Variants in AMBRA1 observed in about 807,000 individuals in gnomAD.
AMBRA1 encodes the protein autophagy and beclin 1 regulator 1, also known as activating molecule in BECN1-regulated autophagy protein 1.
AMBRA1 carries 47 observed loss-of-function variants against 125.4 expected under a neutral mutation model. The observed-to-expected ratio is 0.37, with a 90% CI of 0.30 to 0.48. AMBRA1 has a LOEUF of 0.48. AMBRA1 is among the 20% of genes least tolerant of loss of function. The probability of loss-of-function intolerance (pLI) is 0.99; values close to 1 mark genes in which losing one functional copy is unlikely to be tolerated. For missense variants in AMBRA1, 1,331 were observed against 1,693.4 expected (o/e 0.79, Z 3.76); for synonymous variants, 626 against 655.5 (o/e 0.95, Z 0.69).
intron 7 of AMBRA1, among the ~76,000 whole-genome samples, chr11:46,528,167 T>TTTTA (rs986277604): frequency 1.3e-5 from 2 of 152,210 alleles, no homozygotes; most frequent in Admixed American, 6.5e-5. Flanking sequence ...CAACTTTTTC[T>TTTTA]TTTATTTATT....
intron 17 of AMBRA1, 28 bp from the exon 18 acceptor site, chr11:46,397,971 C>T (rs771898183): frequency 6.4e-6 from 10 of 1,556,108 alleles, no homozygotes; most frequent in South Asian, 1.2e-5. Context: ...GAAGAGAGAG[C>T]GAATTGGCTG....
chr11:46,411,371 C>A (rs925556441), intron 15 of AMBRA1, among the ~76,000 whole-genome samples: 1 of 152,140 alleles, frequency 6.6e-6, no homozygotes, highest in Non-Finnish European at 1.5e-5. Flanking sequence ...CCAGGCAGGG[C>A]CTGGAAGACG....
chr11:46,467,784 GTGC>G (rs1454474647), intron 11 of AMBRA1, among the ~76,000 whole-genome samples: 2 of 152,136 alleles, frequency 1.3e-5, no homozygotes, highest in Non-Finnish European at 2.9e-5. Flanking sequence ...TCCTCCCAAA[GTGC>G]TGGGATTATA....
chr11:46,531,899 C>T (rs1952233473), intron 7 of AMBRA1, among the ~76,000 whole-genome samples: 1 of 151,992 alleles, frequency 6.6e-6, no homozygotes, highest in East Asian at 1.9e-4. Flanking sequence ...CAGCGGATCA[C>T]TTGAGGTTAG....
At position 46,545,172 on chromosome 11, in the gene AMBRA1, G is replaced by C. The variant is rs370342164; in HGVS notation, c.551+432C>G. Among the ~76,000 whole-genome samples the C allele has an allele frequency of 1.8e-3, 244 of 138,700 alleles. 17 individuals are homozygous for C. Among genetic ancestry groups the C allele is most frequent in the African/African-American group, 5.2e-3 (188 of 36,200 alleles). The allele number at this position is 138,700 out of a possible 152,430, so 91.0% of individuals were successfully genotyped here. A position where few individuals can be genotyped will look rare whatever the true frequency, so the allele number is the denominator to read the frequency against. ...AAAAAAAAAAAAGCCGGGGGGGGGG[G>C]GGTGGTGGTGGGCATGGTGGCTCAT... is the stretch of plus-strand genomic sequence containing the variant. On this transcript the variant is annotated intron_variant, in intron 5 of 17. Transcript: ENST00000683756.
In AMBRA1 at chr11:46,548,293, G is replaced by C. The variant is rs769879877; in HGVS notation, c.88C>G (p.Gln30Glu). Residue 30 changes from glutamine to glutamate, a missense_variant, in exon 2 of 18, where the codon CAG becomes GAG. By Grantham distance (29) the Gln-to-Glu change is conservative. Coordinates refer to ENST00000683756, the MANE Select transcript of AMBRA1 (RefSeq NM_001387011.1). ...CGGGTTTTATCTTCTACCAGCTCCT[G>C]CAGAAGCCGCTGAGCTCCCATGGCC... is the stretch of plus-strand genomic sequence containing the variant. ...ARAMGAQRLLQELVEDKTRWM... is the reference protein window; with the variant it reads ...ARAMGAQRLLEELVEDKTRWM... The C allele has an allele frequency of 6.2e-6, 10 of 1,614,084 alleles. No individual in the cohort carries two copies. The highest frequency in any genetic ancestry group is 8.5e-6 in the Non-Finnish European group (10 of 1,180,014).
At chr11:46,546,034 T>A in intron 4 of AMBRA1, 5 of 93,490 alleles carry the variant, frequency 5.3e-5, no homozygotes, top group Non-Finnish European at 9.5e-5. Context: ...TTCCTATTTC[T>A]TTTTTTTTTT....
Position 46,585,699 on chromosome 11 carries a change from T to A in AMBRA1, c.-121+8129A>T, listed in dbSNP as rs936042397. 4.6e-3 allele frequency among the ~76,000 whole-genome samples: 148 copies of A among 32,172 alleles called. 1 individual carries two copies. The highest frequency in any genetic ancestry group is 0.017 in the Middle Eastern group (1 of 58). The allele number at this position is 32,172 out of a possible 152,430, so 21.1% of individuals were successfully genotyped here. On this transcript the variant is annotated intron_variant, in intron 1 of 17. Transcript: ENST00000683756. Reference sequence around the variant, plus strand: ...AAAAAAAAAAAAAAAAAAAAAAATATATATATATATATATATATATATATT... The same window carrying A: ...AAAAAAAAAAAAAAAAAAAAAAATAAATATATATATATATATATATATATT...
intron 5 of AMBRA1, 42 bp downstream of exon 5, chr11:46,545,562 T>A: frequency 1.3e-6 from 2 of 1,599,132 alleles, no homozygotes; most frequent in Non-Finnish European, 1.7e-6. Context: ...CTCTATCACG[T>A]CAGTCCTGTG....
chr11:46,557,300 CA>C (rs540969219), intron 1 of AMBRA1, among the ~76,000 whole-genome samples: 199 of 49,120 alleles, frequency 4.1e-3, no homozygotes, highest in African/African-American at 7.4e-3. Context: ...GACTCCATCT[CA>C]AAAAAAAAAA....
intron 1 of AMBRA1, among the ~76,000 whole-genome samples, chr11:46,572,512 C>T (rs1489299010): frequency 2.0e-5 from 3 of 152,074 alleles, no homozygotes; most frequent in South Asian, 2.1e-4. Flanking sequence ...AGTTTAAAAA[C>T]GAACTTCATC....
chr11:46,487,249 C>A (rs924219573), intron 11 of AMBRA1, among the ~76,000 whole-genome samples: 1 of 150,352 alleles, frequency 6.7e-6, no homozygotes, highest in Non-Finnish European at 1.5e-5. Flanking sequence ...CAGAGCGAGA[C>A]CCCATCTCTA....
intron 14 of AMBRA1, among the ~76,000 whole-genome samples, chr11:46,418,555 C>G (rs899549684): frequency 2.0e-5 from 3 of 151,744 alleles, no homozygotes; most frequent in South Asian, 2.1e-4. Flanking sequence ...CCCCACTCCC[C>G]CTACCCCACA....
chr11:46,410,237 C>A (rs1946223106), intron 16 of AMBRA1, 39 bp downstream of exon 16: 1 of 1,599,888 alleles, frequency 6.3e-7, no homozygotes, highest in African/African-American at 1.3e-5. Context: ...AAGGGATGGG[C>A]CTCCAGCCAG....
intron 11 of AMBRA1, among the ~76,000 whole-genome samples, chr11:46,468,256 G>A (rs571093329): frequency 6.3e-4 from 96 of 152,234 alleles, no homozygotes; most frequent in African/African-American, 2.2e-3. Flanking sequence ...GAGGGGTGGC[G>A]GGCAGCATGG....
intron 8 of AMBRA1, 117 bp from the exon 9 acceptor site, chr11:46,508,487 G>A: frequency 9.9e-7 from 1 of 1,011,288 alleles, no homozygotes; most frequent in Non-Finnish European, 1.4e-6. Flanking sequence ...CTGGAGACAT[G>A]AAAATTAAAG....
At chr11:46,470,588 CAAAAAAAA>C (rs766521795) in intron 11 of AMBRA1, among the ~76,000 whole-genome samples, 1 of 53,454 alleles carries the variant, frequency 1.9e-5, no homozygotes, top group African/African-American at 7.1e-5. Context: ...GACTCCGTCT[CAAAAAAAA>C]AAAAAAAAAA....
chr11:46,463,985 G>A, intron 11 of AMBRA1, among the ~76,000 whole-genome samples: 1 of 152,338 alleles, frequency 6.6e-6, no homozygotes, highest in East Asian at 1.9e-4. Context: ...AGTCAGAAAA[G>A]GAGAGATAGG....
chr11:46,542,621 C>G lies in AMBRA1; in HGVS notation c.1396G>C (p.Ala466Pro). 1 of 1,614,136 alleles carries G rather than the reference C, an allele frequency of 6.2e-7. No individual in the cohort carries two copies. Among genetic ancestry groups the G allele is most frequent in the Non-Finnish European group, 8.5e-7 (1 of 1,180,038 alleles). Residue 466 changes from alanine to proline, a missense_variant, in exon 7 of 18, where the codon GCC becomes CCC. By Grantham distance (27) the Ala-to-Pro change is conservative (BLOSUM62 -1). Coordinates refer to ENST00000683756, the MANE Select transcript of AMBRA1 (RefSeq NM_001387011.1). The surrounding 1 kb of genome is among the most constrained non-coding windows in gnomAD (Gnocchi z 5.9). ...GGSQASVYTS[A>P]TEGRGFPASG... ...GCCGGAAAACCCCTCCCTTCTGTGG[C>G]TGAAGTGTACACAGATGCCTGAGAG... is the stretch of plus-strand genomic sequence containing the variant.
Sources: allele counts gnomAD v4.1 joint callset (sites outside exome capture counted in the v4.1 genomes callset), GRCh38; gene constraint gnomAD v4.1.1; non-coding constraint Gnocchi (gnomAD v3.1); transcripts MANE v1.5; gene names NCBI Gene and HGNC (gene_info 2026-07-23, HGNC 2026-07-21).